EIF5: variants seen among roughly 807,000 people sequenced by gnomAD.
EIF5 encodes eukaryotic translation initiation factor 5.
Under a neutral mutation model 48.3 loss-of-function variants are expected in EIF5, and 10 were observed. That is an observed-to-expected ratio of 0.21 (90% CI 0.13 to 0.35). The LOEUF (loss-of-function observed/expected upper bound fraction) is 0.35. EIF5 is among the 10% of genes least tolerant of loss of function. The pLI, the probability that EIF5 is intolerant of heterozygous loss-of-function variation, is 1.00. For missense variants in EIF5, 397 were observed against 533.2 expected (o/e 0.74, Z 2.51); for synonymous variants, 237 against 173.1 (o/e 1.37, Z -2.90).
In EIF5 at chr14:103,334,373, C is replaced by T. The variant is rs139351426; in HGVS notation, c.-417-16C>T. ...CCCGACCGCCCACGGCTCACGGCGC[C>T]GTCTCTCCGCGCCAGGTCGCCCAGC... On this transcript the variant is annotated splice_polypyrimidine_tract_variant and intron_variant, in intron 1 of 11. Coordinates refer to ENST00000216554, the MANE Select transcript of EIF5 (RefSeq NM_001969.5). 6.6e-6 allele frequency: 1 copy of T among 152,254 alleles called. No individual in the cohort carries two copies. The highest frequency in any genetic ancestry group is 2.4e-5 in the African/African-American group (1 of 41,448). 9.4% of individuals were successfully genotyped at this position (152,254 alleles called of 1,614,324 possible).
rs745702345 is a variant in EIF5, at chr14:103,336,114, A to C, written c.151A>C (p.Thr51Pro). The stretch of plus-strand genomic sequence containing the variant: ...TGCAAAGGCGCTTAATCGGCCTCCA[A>C]CGTGTAAGTAAAGCTTGGAAAAGTC... ...DVAKALNRPP[T>P]YPTKYFGCEL... The change falls in exon 4 of 12, where the codon ACG (threonine) becomes CCG (proline). Residue 51 changes from threonine to proline, a missense_variant. By Grantham distance (38) the Thr-to-Pro change is conservative. Coordinates refer to ENST00000216554, the MANE Select transcript of EIF5 (RefSeq NM_001969.5). 1 of 1,614,010 alleles carries C rather than the reference A, an allele frequency of 6.2e-7. No homozygotes were observed. The highest frequency in any genetic ancestry group is 1.7e-5 in the Admixed American group (1 of 60,006).
In EIF5 at chr14:103,341,924, GATTT is replaced by G. The variant is rs2089357517; in HGVS notation, c.*873_*876del. 6.6e-6 allele frequency: 1 copy of G among 152,652 alleles called. No homozygotes were observed. Among genetic ancestry groups the G allele is most frequent in the Non-Finnish European group, 1.5e-5 (1 of 68,028 alleles). 9.5% of individuals were successfully genotyped at this position (152,652 alleles called of 1,614,324 possible). A position where few individuals can be genotyped will look rare whatever the true frequency, so the allele number is the denominator to read the frequency against. On this transcript the variant is annotated 3_prime_UTR_variant, in exon 12 of 12. Transcript: ENST00000216554. ...TGCACTTAACTAGCAACCTAAGCAT[GATTT>G]TTCAGCTTTTGCCCTTAGGGTTTAA... is the stretch of plus-strand genomic sequence containing the variant.
chr14:103,340,308 CTGTT>C, intron 10 of EIF5, 115 bp from the exon 11 acceptor site: 1 of 1,072,074 alleles, frequency 9.3e-7, no homozygotes, highest in Non-Finnish European at 1.4e-6. Context: ...TACATTGATT[CTGTT>C]TGAGGATTCA....
At position 103,337,083 on chromosome 14, in the gene EIF5, T is replaced by C. The variant is rs79072323; in HGVS notation, c.328-33T>C. 3.0e-3 allele frequency: 4,748 copies of C among 1,578,940 alleles called. 116 individuals carry two copies. The African/African-American group carries it at 0.052, about 17-fold the overall frequency. ...CCTCTGATTAGATATTTTCATGTTA[T>C]ATTATGGATAACATTTGTTATTTTT... On this transcript the variant is annotated intron_variant, in intron 5 of 11. Coordinates refer to ENST00000216554, the MANE Select transcript of EIF5 (RefSeq NM_001969.5).
chr14:103,339,951 C>A lies in EIF5; in HGVS notation c.1071+148C>A, dbSNP rs576014795. The stretch of plus-strand genomic sequence containing the variant: ...TCAGCTCCCTGAAACCTCCACGTCC[C>A]GGCTTCAAGTGATTCTCCTGCCTCA... On this transcript the variant is annotated intron_variant, in intron 10 of 11. Transcript: ENST00000216554. 4 of 924,708 alleles carry A rather than the reference C, an allele frequency of 4.3e-6. No individual in the cohort carries two copies. In the East Asian group the frequency reaches 8.2e-5, roughly 19 times the overall value. 57.3% of individuals were successfully genotyped at this position (924,708 alleles called of 1,614,324 possible).
Position 103,344,302 on chromosome 14 carries a change from G to A in EIF5, c.*3250G>A, listed in dbSNP as rs2089387636. On this transcript the variant is annotated 3_prime_UTR_variant, in exon 12 of 12. Transcript: ENST00000216554. ...GGAATCAAATTTCTGTGGTTTTTATGGCCAGAAATTTTAAGGACTTGTGTG... is the reference window on the plus strand; with the variant it reads ...GGAATCAAATTTCTGTGGTTTTTATAGCCAGAAATTTTAAGGACTTGTGTG... The A allele has an allele frequency of 6.6e-6, 1 of 152,132 alleles. No individual in the cohort carries two copies. The highest frequency in any genetic ancestry group is 2.4e-5 in the African/African-American group (1 of 41,408). The allele number at this position is 152,132 out of a possible 1,614,324, so 9.4% of individuals were successfully genotyped here. A position where few individuals can be genotyped will look rare whatever the true frequency, so the allele number is the denominator to read the frequency against.
rs2089380810 is a variant in EIF5 at position 103,343,756 on chromosome 14, T to G, written c.*2704T>G. On this transcript the variant is annotated 3_prime_UTR_variant, in exon 12 of 12. Transcript: ENST00000216554. ...AACCTTTTGCATTTTGTTAGCTCAG[T>G]CAGTCCTCATCGTGGTCCTGAGGCA... 6.6e-6 allele frequency: 1 copy of G among 152,204 alleles called. No individual in the cohort carries two copies. The highest frequency in any genetic ancestry group is 1.5e-5 in the Non-Finnish European group (1 of 68,042). 9.4% of individuals were successfully genotyped at this position (152,204 alleles called of 1,614,324 possible). A position where few individuals can be genotyped will look rare whatever the true frequency, so the allele number is the denominator to read the frequency against.
chr14:103,339,890 A>T, intron 10 of EIF5, 87 bp downstream of exon 10: 1 of 1,433,848 alleles, frequency 7.0e-7, no homozygotes, highest in Non-Finnish European at 9.4e-7. Context: ...ACGGAGTCTC[A>T]TTCTGTTGTC....
At chr14:103,336,996 A>T (rs1656470177) in intron 5 of EIF5, 120 bp from the exon 6 acceptor site, 1 of 1,340,534 alleles carries the variant, frequency 7.5e-7, no homozygotes. Flanking sequence ...TCTTTTTTTT[A>T]AAGTAGGTCA....
Position 103,339,075 on chromosome 14 carries a change from CA to C in EIF5, c.745-96del. On this transcript the variant is annotated intron_variant, in intron 8 of 11. Coordinates refer to ENST00000216554, the MANE Select transcript of EIF5 (RefSeq NM_001969.5). ...TATGTGTCACAACTGCCAAATTAGG[CA>C]GGAAAAATATGTTCATCAGAGCAGG... 2.7e-6 allele frequency: 4 copies of C among 1,499,070 alleles called. No homozygotes were observed. The South Asian group carries it at 5.4e-5, about 20-fold the overall frequency. 92.9% of individuals were successfully genotyped at this position (1,499,070 alleles called of 1,614,324 possible).
intron 6 of EIF5, chr14:103,337,754 A>T: frequency 2.3e-6 from 1 of 437,830 alleles, no homozygotes; most frequent in East Asian, 5.7e-5. Flanking sequence ...AGGGTAGATG[A>T]AGTAATGACT....
chr14:103,336,529 T>G (rs2089288494), intron 4 of EIF5, 148 bp from the exon 5 acceptor site: 1 of 832,734 alleles, frequency 1.2e-6, no homozygotes, highest in African/African-American at 1.7e-5. Context: ...TGCAGTGAGC[T>G]GAGACCACGC....
At chr14:103,338,146 C>T (rs969848556) in intron 6 of EIF5, 181 bp from the exon 7 acceptor site, 4 of 853,234 alleles carry the variant, frequency 4.7e-6, no homozygotes, top group African/African-American at 3.4e-5. Context: ...GACTAACATT[C>T]TTACGTATGA....
chr14:103,337,089 G>A lies in EIF5; in HGVS notation c.328-27G>A, dbSNP rs551549043. On this transcript the variant is annotated intron_variant, in intron 5 of 11. Transcript: ENST00000216554. ...ATTAGATATTTTCATGTTATATTAT[G>A]GATAACATTTGTTATTTTTTTGGCA... 4.4e-6 allele frequency: 7 copies of A among 1,576,192 alleles called. No individual in the cohort carries two copies. In the East Asian group the frequency reaches 1.6e-4, roughly 35 times the overall value.
intron 8 of EIF5, 125 bp downstream of exon 8, chr14:103,339,018 T>C (rs1049583142): frequency 2.7e-6 from 4 of 1,481,832 alleles, no homozygotes; most frequent in African/African-American, 1.4e-5. Context: ...CTCTTGTTCA[T>C]TTAAATATTT....
chr14:103,338,701 G>A, intron 7 of EIF5, 34 bp from the exon 8 acceptor site: 2 of 1,599,234 alleles, frequency 1.3e-6, no homozygotes, highest in African/African-American at 1.3e-5. Flanking sequence ...TGTTTTTAAG[G>A]CCTTTGATCA....
intron 9 of EIF5, 37 bp from the exon 10 acceptor site, chr14:103,339,601 AT>A: frequency 6.2e-7 from 1 of 1,609,780 alleles, no homozygotes; most frequent in Non-Finnish European, 8.5e-7. Context: ...CTTAGAACAC[AT>A]AAAAAAGATT....
chr14:103,335,760 T>C lies in EIF5; in HGVS notation c.-101T>C. The C allele has an allele frequency of 7.3e-7, 1 of 1,363,320 alleles. No individual in the cohort carries two copies. The highest frequency in any genetic ancestry group is 1.0e-6 in the Non-Finnish European group (1 of 963,354). The allele number at this position is 1,363,320 out of a possible 1,614,324, so 84.5% of individuals were successfully genotyped here. On this transcript the variant is annotated 5_prime_UTR_variant, in exon 3 of 12. Transcript: ENST00000216554. ...TTTCATGTCAGAGACCGAGAACTCT[T>C]GCAGTCGTTTATGTCATCCCTTCTT...
intron 9 of EIF5, 129 bp downstream of exon 9, chr14:103,339,462 G>T: frequency 1.4e-6 from 2 of 1,421,102 alleles, no homozygotes; most frequent in Non-Finnish European, 1.9e-6. Flanking sequence ...ACAAGCCTCT[G>T]AGTATCTGAA....
Sources: allele counts gnomAD v4.1 joint callset, GRCh38; gene constraint gnomAD v4.1.1; transcripts MANE v1.5; gene names NCBI Gene and HGNC (gene_info 2026-07-23, HGNC 2026-07-21).